The following DENND5B variants were observed in gnomAD, a reference collection of about 807,000 sequenced individuals.
DENND5B encodes the protein DENN domain-containing protein 5B.
Under a neutral mutation model 140.6 loss-of-function variants are expected in DENND5B, and 34 were observed. The ratio of observed to expected loss-of-function variants is 0.24; its 90% CI spans 0.18 to 0.32. The LOEUF (loss-of-function observed/expected upper bound fraction) is 0.32. DENND5B is among the 10% of genes least tolerant of loss of function. DENND5B has a pLI of 1.00. For missense variants in DENND5B, 1,142 were observed against 1,560.2 expected (o/e 0.73, Z 4.52); for synonymous variants, 551 against 562.1 (o/e 0.98, Z 0.28).
intron 2 of DENND5B, among the ~76,000 whole-genome samples, chr12:31,481,641 G>A (rs1946077006): frequency 6.6e-6 from 1 of 152,212 alleles, no homozygotes; most frequent in African/African-American, 2.4e-5. Context: ...TTGAGGAACT[G>A]AACAGGTCAG....
intron 5 of DENND5B, 89 bp downstream of exon 5, chr12:31,451,851 T>A: frequency 6.9e-7 from 1 of 1,444,146 alleles, no homozygotes; most frequent in South Asian, 1.3e-5. Flanking sequence ...TGGGTAAGCA[T>A]AGGCACAGAA....
intron 5 of DENND5B, among the ~76,000 whole-genome samples, chr12:31,449,558 T>C (rs1038087050): frequency 1.3e-5 from 2 of 152,150 alleles, no homozygotes; most frequent in African/African-American, 4.8e-5. Flanking sequence ...AAGGTACTTA[T>C]AAGCCTTCTG....
At chr12:31,399,589 A>C (rs1365018758) in intron 16 of DENND5B, 65 bp downstream of exon 16, 11 of 1,357,506 alleles carry the variant, frequency 8.1e-6, no homozygotes, top group Non-Finnish European at 1.1e-5. Flanking sequence ...TACAATTCTT[A>C]AACCTTTTCT....
chr12:31,531,406 G>A (rs989225067), intron 1 of DENND5B, among the ~76,000 whole-genome samples: 6 of 152,116 alleles, frequency 3.9e-5, no homozygotes, highest in African/African-American at 1.4e-4. Context: ...CGCCATGTTG[G>A]CCAGGCTGGT....
chr12:31,542,827 T>A (rs1948730841), intron 1 of DENND5B, among the ~76,000 whole-genome samples: 1 of 152,146 alleles, frequency 6.6e-6, no homozygotes, highest in Non-Finnish European at 1.5e-5. Context: ...TGTGGTGGCA[T>A]GCAACTGCAG....
intron 1 of DENND5B, among the ~76,000 whole-genome samples, chr12:31,522,618 A>T (rs1174048669): frequency 6.6e-6 from 1 of 151,850 alleles, no homozygotes; most frequent in Non-Finnish European, 1.5e-5. Flanking sequence ...CTAATTTTGT[A>T]TTTTTTGTCG....
chr12:31,418,272 TTTTTC>T (rs1942853220), intron 11 of DENND5B, among the ~76,000 whole-genome samples: 1 of 116,750 alleles, frequency 8.6e-6, no homozygotes, highest in African/African-American at 3.2e-5. Context: ...AGCATATCTT[TTTTTC>T]TTTTCTTTTT....
At chr12:31,406,745 C>T (rs748082996) in intron 14 of DENND5B, among the ~76,000 whole-genome samples, 5 of 152,140 alleles carry the variant, frequency 3.3e-5, no homozygotes, top group Non-Finnish European at 5.9e-5. Flanking sequence ...GAAAGAGTTA[C>T]TCAGATGAAG....
At chr12:31,478,698 C>CT (rs1945932800) in intron 3 of DENND5B, among the ~76,000 whole-genome samples, 2 of 49,942 alleles carry the variant, frequency 4.0e-5, no homozygotes, top group Admixed American at 3.0e-4. Context: ...GAGAACTTGT[C>CT]TAAAAAAAAA....
chr12:31,590,640 C>G (rs1565727387), intron 1 of DENND5B, 66 bp downstream of exon 1: 1 of 1,381,228 alleles, frequency 7.2e-7, no homozygotes, highest in Non-Finnish European at 9.3e-7. Context: ...CCCCGCCTCC[C>G]GCGCGTCCCC....
chr12:31,382,669 C>A lies in DENND5B; in HGVS notation c.*4934G>T, dbSNP rs1441281268. The A allele has an allele frequency of 2.6e-5, 4 of 151,918 alleles. No homozygotes were observed. The South Asian group carries it at 6.2e-4, about 24-fold the overall frequency. The allele number at this position is 151,918 out of a possible 1,614,324, so 9.4% of individuals were successfully genotyped here. A position where few individuals can be genotyped will look rare whatever the true frequency, so the allele number is the denominator to read the frequency against. On this transcript the variant is annotated 3_prime_UTR_variant, in exon 21 of 21. Coordinates refer to ENST00000389082, the MANE Select transcript of DENND5B (RefSeq NM_144973.4). ...CAAATATGATTCCCTCCTACATAAC[C>A]CAAGGATACCCTGGATCCCTTCGAA...
chr12:31,567,702 T>C (rs1949679110), intron 1 of DENND5B, among the ~76,000 whole-genome samples: 1 of 151,756 alleles, frequency 6.6e-6, no homozygotes, highest in African/African-American at 2.4e-5. Flanking sequence ...TCCCAGCTAC[T>C]TGGGAGGCTG....
Position 31,387,521 on chromosome 12 carries a change from T to G in DENND5B, c.*82A>C. The G allele has an allele frequency of 6.8e-7, 1 of 1,463,812 alleles. No homozygotes were observed. The highest frequency in any genetic ancestry group is 9.3e-7 in the Non-Finnish European group (1 of 1,072,902). The allele number at this position is 1,463,812 out of a possible 1,614,324, so 90.7% of individuals were successfully genotyped here. ...TATGTTTGGCTGCCCCTGCAGTGACTCACTACTGTCAGACAAGTCCAAATC... is the reference window on the plus strand; with the variant it reads ...TATGTTTGGCTGCCCCTGCAGTGACGCACTACTGTCAGACAAGTCCAAATC... On this transcript the variant is annotated 3_prime_UTR_variant, in exon 21 of 21. Coordinates refer to ENST00000389082, the MANE Select transcript of DENND5B (RefSeq NM_144973.4).
chr12:31,387,557 T>A lies in DENND5B; in HGVS notation c.*46A>T, dbSNP rs1184347179. The A allele has an allele frequency of 6.3e-7, 1 of 1,581,536 alleles. No individual in the cohort carries two copies. ...AGACAAGTCCAAATCGGTCCCCTAG[T>A]TGGGGAAGGAGCAAGGTTTGGACTG... On this transcript the variant is annotated 3_prime_UTR_variant, in exon 21 of 21. Coordinates refer to ENST00000389082, the MANE Select transcript of DENND5B (RefSeq NM_144973.4).
intron 5 of DENND5B, among the ~76,000 whole-genome samples, chr12:31,448,665 T>G (rs1944378867): frequency 6.6e-6 from 1 of 152,140 alleles, no homozygotes. Flanking sequence ...AAGGAAAAAT[T>G]CCTTCCACAC....
chr12:31,448,378 G>A (rs1003325244), intron 5 of DENND5B, among the ~76,000 whole-genome samples: 25 of 151,858 alleles, frequency 1.6e-4, no homozygotes, highest in South Asian at 4.2e-4. Flanking sequence ...CTCATGCTCC[G>A]CCCGCCTCGG....
At chr12:31,429,123 C>T (rs1342079695) in intron 8 of DENND5B, among the ~76,000 whole-genome samples, 5 of 151,902 alleles carry the variant, frequency 3.3e-5, no homozygotes, top group Admixed American at 6.6e-5. Flanking sequence ...CCGCCCACCT[C>T]GGCCTCCCAA....
At chr12:31,586,712 C>G (rs1471913652) in intron 1 of DENND5B, among the ~76,000 whole-genome samples, 1 of 152,054 alleles carries the variant, frequency 6.6e-6, no homozygotes, top group Admixed American at 6.6e-5. Context: ...AGTGTGAATT[C>G]TAGGAATATG....
At chr12:31,587,417 T>G (rs1740501917) in intron 1 of DENND5B, among the ~76,000 whole-genome samples, 1 of 151,976 alleles carries the variant, frequency 6.6e-6, no homozygotes, top group African/African-American at 2.4e-5. Flanking sequence ...TTCATACATA[T>G]TCATATAAAT....
Sources: gnomAD v4.1 joint callset for allele counts (sites outside exome capture counted in the v4.1 genomes callset) on GRCh38, gnomAD v4.1.1 for gene constraint, MANE v1.5 for transcripts, NCBI Gene and HGNC (gene_info 2026-07-23, HGNC 2026-07-21) for gene names.